The following CAMKMT variants were observed in gnomAD, a reference collection of about 807,000 sequenced individuals.
CAMKMT encodes CaM KMT.
A neutral mutation model predicts 48.0 loss-of-function variants in CAMKMT; 53 were observed. The observed-to-expected ratio is 1.10, with a 90% CI of 0.89 to 1.39. The LOEUF (loss-of-function observed/expected upper bound fraction) is 1.39, where lower values mean the gene tolerates loss of function less well. Among genes scored for constraint, CAMKMT ranks in the 40% most tolerant of loss-of-function variants. The pLI is 0.00. For missense variants in CAMKMT, 428 were observed against 402.7 expected (o/e 1.06, Z -0.54); for synonymous variants, 165 against 152.3 (o/e 1.08, Z -0.61).
Position 44,693,754 on chromosome 2 carries a change from G to C in CAMKMT, c.377-10529G>C, listed in dbSNP as rs188395131. On this transcript the variant is annotated intron_variant, in intron 3 of 10. Coordinates refer to ENST00000378494, the MANE Select transcript of CAMKMT (RefSeq NM_024766.5). ...GAGTACAAAGACTGAAATGAGCCCAGGAAGCTTCCATACTCATTCCAACAT... is the reference window on the plus strand; with the variant it reads ...GAGTACAAAGACTGAAATGAGCCCACGAAGCTTCCATACTCATTCCAACAT... Among the ~76,000 whole-genome samples the C allele has an allele frequency of 2.5e-3, 382 of 152,338 alleles. 11 individuals are homozygous for C. The highest frequency in any genetic ancestry group is 0.022 in the Admixed American group (337 of 15,294).
chr2:44,670,168 G>C (rs1675245326), intron 3 of CAMKMT, among the ~76,000 whole-genome samples: 1 of 152,146 alleles, frequency 6.6e-6, no homozygotes, highest in South Asian at 2.1e-4. Context: ...TAGCTTGTCT[G>C]TTTACTGTTG....
chr2:44,660,022 CTG>C (rs1424567220), intron 3 of CAMKMT, among the ~76,000 whole-genome samples: 3 of 152,198 alleles, frequency 2.0e-5, no homozygotes, highest in South Asian at 2.1e-4. Context: ...GAAATTAAAA[CTG>C]AGAAATTTTA....
At chr2:44,766,598 C>T (rs753043548) in intron 10 of CAMKMT, 37 bp downstream of exon 10, 22 of 1,607,694 alleles carry the variant, frequency 1.4e-5, no homozygotes, top group Admixed American at 3.4e-5. Context: ...CACTTTAATC[C>T]GCATTGCATT....
chr2:44,407,262 G>A (rs1031876080), intron 3 of CAMKMT, among the ~76,000 whole-genome samples: 1 of 152,130 alleles, frequency 6.6e-6, no homozygotes, highest in Admixed American at 6.5e-5. Context: ...TTGCACCCCT[G>A]TATGACAGAT....
At chr2:44,462,796 C>A (rs896956539) in intron 3 of CAMKMT, among the ~76,000 whole-genome samples, 1 of 152,090 alleles carries the variant, frequency 6.6e-6, no homozygotes, top group Non-Finnish European at 1.5e-5. Flanking sequence ...CTTCTTAATT[C>A]TCTTAATCTA....
At chr2:44,553,874 A>C (rs928480141) in intron 3 of CAMKMT, among the ~76,000 whole-genome samples, 1 of 152,222 alleles carries the variant, frequency 6.6e-6, no homozygotes. Context: ...AAAATGTATG[A>C]CATCCCTCTC....
rs542723780 is a variant in CAMKMT, at chr2:44,715,305, C to T, written c.575C>T (p.Thr192Ile). ...KAIRNVQDIITRNQKAGVFKT... is the reference protein window; with the variant it reads ...KAIRNVQDIIIRNQKAGVFKT... ...CCTGTAGATGTGCAAGACATCATCA[C>T]AAGGAATCAGAAGGCTGGTGTGTTT... The change falls in exon 7 of 11, where the codon ACA (threonine) becomes ATA (isoleucine). Residue 192 changes from threonine (T) to isoleucine (I), a missense_variant. Physicochemically the swap from Thr to Ile is moderately conservative, Grantham distance 89 (BLOSUM62 -1). Coordinates refer to ENST00000378494, the MANE Select transcript of CAMKMT (RefSeq NM_024766.5). 48 of 1,612,242 alleles carry T rather than the reference C, an allele frequency of 3.0e-5. No homozygotes were observed. The highest frequency in any genetic ancestry group is 3.9e-5 in the Non-Finnish European group (46 of 1,179,120).
chr2:44,715,446 T>C (rs764379747), intron 7 of CAMKMT, 93 bp downstream of exon 7: 4 of 881,988 alleles, frequency 4.5e-6, no homozygotes, highest in Non-Finnish European at 7.3e-6. Flanking sequence ...CTAACATTTA[T>C]TGAGCACCTG....
chr2:44,379,881 A>G (rs917479720), intron 2 of CAMKMT, among the ~76,000 whole-genome samples: 4 of 151,900 alleles, frequency 2.6e-5, no homozygotes, highest in Admixed American at 6.6e-5. Context: ...ATTAGACCCT[A>G]TCATACATGT....
At chr2:44,524,975 A>C (rs7586064) in intron 3 of CAMKMT, among the ~76,000 whole-genome samples, 61 of 151,222 alleles carry the variant, frequency 4.0e-4, no homozygotes, top group East Asian at 3.9e-3. Flanking sequence ...TAAAAAAAAA[A>C]AAAAAACTTA....
intron 3 of CAMKMT, among the ~76,000 whole-genome samples, chr2:44,535,638 C>T (rs1406711344): frequency 6.6e-6 from 1 of 152,136 alleles, no homozygotes; most frequent in East Asian, 1.9e-4. Context: ...GGACAAAAAT[C>T]ATATGACCAT....
intron 3 of CAMKMT, among the ~76,000 whole-genome samples, chr2:44,440,205 C>G (rs553921233): frequency 6.6e-6 from 1 of 152,282 alleles, no homozygotes; most frequent in East Asian, 1.9e-4. Flanking sequence ...TCCCATGATT[C>G]TAGTGCAGCC....
intron 3 of CAMKMT, among the ~76,000 whole-genome samples, chr2:44,518,750 T>C (rs1670956432): frequency 6.6e-6 from 1 of 152,204 alleles, no homozygotes; most frequent in Non-Finnish European, 1.5e-5. Context: ...ATGATGTATA[T>C]TTCTGATGGA....
At chr2:44,651,475 G>A (rs1674061635) in intron 3 of CAMKMT, among the ~76,000 whole-genome samples, 1 of 152,190 alleles carries the variant, frequency 6.6e-6, no homozygotes, top group Admixed American at 6.5e-5. Flanking sequence ...CCTGAGGTCA[G>A]GAGTTTAAGA....
chr2:44,371,769 C>G (rs1257816216), intron 1 of CAMKMT, among the ~76,000 whole-genome samples: 1 of 151,464 alleles, frequency 6.6e-6, no homozygotes, highest in Non-Finnish European at 1.5e-5. Flanking sequence ...ATAAAAATGA[C>G]ATTAAAAAAT....
intron 3 of CAMKMT, among the ~76,000 whole-genome samples, chr2:44,670,985 C>G (rs1675296076): frequency 6.6e-6 from 1 of 152,210 alleles, no homozygotes. Context: ...ACCAGGCCTT[C>G]TCAATCCTGG....
intron 3 of CAMKMT, among the ~76,000 whole-genome samples, chr2:44,604,432 A>ACC (rs1671168610): frequency 6.6e-6 from 1 of 152,162 alleles, no homozygotes; most frequent in Admixed American, 6.5e-5. Context: ...TCTCAAACAA[A>ACC]TTCAGAAACC....
intron 3 of CAMKMT, among the ~76,000 whole-genome samples, chr2:44,564,261 C>T (rs775174150): frequency 5.9e-4 from 89 of 151,806 alleles, no homozygotes; most frequent in Non-Finnish European, 1.1e-3. Context: ...CTGTAACCTC[C>T]GCCTTCCGGG....
chr2:44,743,839 C>T lies in CAMKMT; in HGVS notation c.698+143C>T, dbSNP rs1679807809. The T allele has an allele frequency of 6.8e-6, 4 of 587,464 alleles. No homozygotes were observed. The Admixed American group carries it at 9.6e-5, about 14-fold the overall frequency. 36.4% of individuals were successfully genotyped at this position (587,464 alleles called of 1,614,324 possible). ...TTAACCTCAACAAATTAATATTCAT[C>T]TCCATGTGACAGTTATAAGGTAGTC... is the stretch of plus-strand genomic sequence containing the variant. On this transcript the variant is annotated intron_variant, in intron 8 of 10. Transcript: ENST00000378494.
Sources: gnomAD v4.1 joint callset for allele counts (sites outside exome capture counted in the v4.1 genomes callset) on GRCh38, gnomAD v4.1.1 for gene constraint, MANE v1.5 for transcripts, NCBI Gene and HGNC (gene_info 2026-07-23, HGNC 2026-07-21) for gene names.